The following DST variants were observed in gnomAD, a reference collection of about 807,000 sequenced individuals.
DST encodes dystonin.
DST carries 253 observed loss-of-function variants against 875.2 expected under a neutral mutation model. The observed-to-expected ratio is 0.29, with a 90% CI of 0.26 to 0.32. DST has a LOEUF of 0.32. DST is among the 10% of genes least tolerant of loss of function. DST has a pLI of 1.00. For synonymous variants in DST, 3,124 were observed against 3,197.1 expected (o/e 0.98, Z 0.77); for missense variants, 8,287 against 9,111.6 (o/e 0.91, Z 3.68).
rs567577080 is a variant in DST, at chr6:56,864,406, ACCATATTACT to A, written c.418-12812_418-12803del. Among the ~76,000 whole-genome samples, 4 of 152,168 alleles carry A rather than the reference ACCATATTACT, an allele frequency of 2.6e-5. No individual in the cohort carries two copies. In the South Asian group the frequency reaches 8.3e-4, roughly 32 times the overall value. On this transcript the variant is annotated intron_variant, in intron 3 of 103. Coordinates refer to ENST00000680361, the MANE Select transcript of DST (RefSeq NM_001374736.1). The stretch of plus-strand genomic sequence containing the variant: ...AGAACCCTAACTAACACAATTGTCT[ACCATATTACT>A]GCATAAAAGACTTATGACTCACCTT...
rs1295936339 is a variant in DST at position 56,645,931 on chromosome 6, T to C, written c.1713A>G (p.Lys571=). ...LQGYHPNDIE[K]EWGKLIIAML... ...TGGCAATAATGAGTTTCCCCCACTC[T>C]TTTTCTATGTCATTTGGATGATAAC... is the stretch of plus-strand genomic sequence containing the variant. Residue 571 remains lysine, a synonymous_variant, in exon 15 of 104, where the codon AAA becomes AAG. Transcript: ENST00000680361. The C allele has an allele frequency of 6.2e-7, 1 of 1,613,748 alleles. No homozygotes were observed. Among genetic ancestry groups the C allele is most frequent in the Non-Finnish European group, 8.5e-7 (1 of 1,179,712 alleles).
In DST at chr6:56,506,786, T is replaced by C; in HGVS notation, c.19243A>G (p.Ile6415Val). Residue 6415 changes from isoleucine to valine, a missense_variant, in exon 76 of 104, where the codon ATA becomes GTA. Ile to Val is a conservative substitution (Grantham distance 29, BLOSUM62 3). Transcript: ENST00000680361. ...VKQQQEAAET[I>V]REEIDGLQEE... ...TGTAGTCCATCTATTTCTTCCCTTA[T>C]GGTCTAGAATAAGAAAATGACAGCC... The C allele has an allele frequency of 6.2e-7, 1 of 1,604,816 alleles. No homozygotes were observed.
At chr6:56,540,523 A>G (rs1297135137) in intron 61 of DST, 1 of 152,556 alleles carries the variant, frequency 6.6e-6, no homozygotes, top group African/African-American at 2.4e-5. Context: ...CACAATCTAC[A>G]TCACTCTCCC....
intron 9 of DST, among the ~76,000 whole-genome samples, chr6:56,698,853 T>C (rs1482710561): frequency 2.0e-5 from 3 of 152,190 alleles, no homozygotes; most frequent in African/African-American, 4.8e-5. Context: ...TGCGGATTTG[T>C]TACATGGGTA....
At chr6:56,916,753 ATCTCTCTCTC>A (rs70989741) in intron 2 of DST, among the ~76,000 whole-genome samples, 1 of 95,418 alleles carries the variant, frequency 1.0e-5, no homozygotes, top group African/African-American at 4.7e-5. Context: ...CTCTCTCTCT[ATCTCTCTCTC>A]TCTCTCTCTC....
rs1586763379 is a variant in DST, at chr6:56,617,306, C to A, written c.4930-2822G>T. On this transcript the variant is annotated intron_variant, in intron 36 of 103. Transcript: ENST00000680361. ...AAGGAAATCCCCTTTCTTGAGTCCA[C>A]CAGATGCTCTGCACCCTTCAAGCAT... The A allele has an allele frequency of 6.2e-7, 1 of 1,613,840 alleles. No homozygotes were observed. The highest frequency in any genetic ancestry group is 8.5e-7 in the Non-Finnish European group (1 of 1,179,952).
chr6:56,934,059 A>T (rs1811588444), intron 2 of DST, among the ~76,000 whole-genome samples: 2 of 151,928 alleles, frequency 1.3e-5, no homozygotes, highest in South Asian at 4.2e-4. Flanking sequence ...AGAGATGGGG[A>T]TCTCACCATG....
At chr6:56,782,401 G>T (rs370216974) in intron 4 of DST, among the ~76,000 whole-genome samples, 1 of 151,880 alleles carries the variant, frequency 6.6e-6, no homozygotes, top group African/African-American at 2.4e-5. Context: ...CAATTTCAGA[G>T]CCTGTTATTG....
chr6:56,882,739 T>C (rs1318825611), intron 3 of DST, among the ~76,000 whole-genome samples: 2 of 152,252 alleles, frequency 1.3e-5, no homozygotes, highest in Non-Finnish European at 2.9e-5. Context: ...TGAAAAGATA[T>C]ATGTGTAATT....
In DST at chr6:56,606,932, C is replaced by T. The variant is rs778051413; in HGVS notation, c.7696G>A (p.Asp2566Asn). 1 of 1,613,468 alleles carries T rather than the reference C, an allele frequency of 6.2e-7. No homozygotes were observed. Among genetic ancestry groups the T allele is most frequent in the Non-Finnish European group, 8.5e-7 (1 of 1,179,588 alleles). ...EYSCAVTPGG[D>N]TDNAIVSLTC... ...AGAGACACAATGGCATTATCAGTAT[C>T]ACCCCCTGGAGTCACAGCACAGGAA... The change falls in exon 40 of 104, where the codon GAT becomes AAT. Residue 2566 changes from aspartate to asparagine, a missense_variant. This residue lies in a region of DST where 3,138 missense variants were observed against 3,116.6 expected (regional missense o/e 1.01). Transcript: ENST00000680361.
At chr6:56,561,214 G>C in intron 57 of DST, 94 bp downstream of exon 57, 1 of 1,370,390 alleles carries the variant, frequency 7.3e-7, no homozygotes, top group East Asian at 2.5e-5. Context: ...AGCTAGAAAA[G>C]AAAACAGAGC....
intron 77 of DST, among the ~76,000 whole-genome samples, chr6:56,505,024 A>G (rs1310483818): frequency 6.6e-6 from 1 of 152,116 alleles, no homozygotes; most frequent in East Asian, 1.9e-4. Context: ...AAGTTTACAA[A>G]CCATATAGTA....
At chr6:56,825,929 A>G (rs1190077625) in intron 4 of DST, among the ~76,000 whole-genome samples, 2 of 152,260 alleles carry the variant, frequency 1.3e-5, no homozygotes, top group Non-Finnish European at 1.5e-5. Flanking sequence ...GGAAAGCAAC[A>G]TCATCTTTTT....
intron 24 of DST, 135 bp from the exon 25 acceptor site, chr6:56,635,088 C>T: frequency 1.4e-6 from 1 of 704,076 alleles, no homozygotes; most frequent in Non-Finnish European, 2.4e-6. Flanking sequence ...ATCTTTCCTC[C>T]TCCACCCCAT....
chr6:56,698,988 C>CAG (rs2099278761), intron 9 of DST, among the ~76,000 whole-genome samples: 2 of 152,152 alleles, frequency 1.3e-5, no homozygotes, highest in African/African-American at 2.4e-5. Flanking sequence ...AGTAGCAGAA[C>CAG]ATTTCTTAAG....
chr6:56,916,353 A>C (rs1800912883), intron 2 of DST, among the ~76,000 whole-genome samples: 1 of 152,168 alleles, frequency 6.6e-6, no homozygotes, highest in Non-Finnish European at 1.5e-5. Context: ...GAAACTACAA[A>C]GTATTGGACC....
chr6:56,471,934 C>A (rs900702065), intron 94 of DST, 125 bp downstream of exon 94: 18 of 957,306 alleles, frequency 1.9e-5, no homozygotes, highest in African/African-American at 3.2e-5. Context: ...TAAAAATGTA[C>A]TCAAATAGCA....
intron 32 of DST, 82 bp downstream of exon 32, chr6:56,629,168 A>C: frequency 7.4e-7 from 1 of 1,348,104 alleles, no homozygotes; most frequent in Non-Finnish European, 1.1e-6. Context: ...GTAAAAAAAT[A>C]GCCTCATATG....
At chr6:56,951,691 A>G (rs1189254567) in intron 2 of DST, among the ~76,000 whole-genome samples, 1 of 152,214 alleles carries the variant, frequency 6.6e-6, no homozygotes, top group Admixed American at 6.5e-5. Context: ...TGGTTTATCA[A>G]AACAGCTTGC....
Sources: allele counts gnomAD v4.1 joint callset (sites outside exome capture counted in the v4.1 genomes callset), GRCh38; gene constraint gnomAD v4.1.1; regional missense constraint gnomAD v4.1.1; transcripts MANE v1.5; gene names NCBI Gene and HGNC (gene_info 2026-07-23, HGNC 2026-07-21).